GPC5: variants seen among roughly 807,000 people sequenced by gnomAD.
GPC5 encodes glypican-5.
In GPC5, 47 loss-of-function variants were observed where a neutral mutation model predicts 53.9. The ratio of observed to expected loss-of-function variants is 0.87; its 90% CI spans 0.69 to 1.11. The LOEUF (loss-of-function observed/expected upper bound fraction) is 1.11, where lower values mean the gene tolerates loss of function less well. Among genes scored for constraint, GPC5 ranks in the 50% most tolerant of loss-of-function variants. The pLI is 0.00. For missense variants in GPC5, 748 were observed against 713.1 expected (o/e 1.05, Z -0.56); for synonymous variants, 286 against 263.3 (o/e 1.09, Z -0.84).
chr13:92,084,175 C>T (rs2041318542), intron 6 of GPC5, among the ~76,000 whole-genome samples: 1 of 152,102 alleles, frequency 6.6e-6, no homozygotes, highest in Admixed American at 6.6e-5. Context: ...TGAACAGGGG[C>T]CTTGACACCG....
chr13:91,975,191 A>AT (rs1379847037), intron 6 of GPC5, among the ~76,000 whole-genome samples: 1 of 152,120 alleles, frequency 6.6e-6, no homozygotes, highest in Non-Finnish European at 1.5e-5. Flanking sequence ...AGGCAATACC[A>AT]TTCAGGACAT....
intron 5 of GPC5, among the ~76,000 whole-genome samples, chr13:91,812,900 A>C (rs2038336098): frequency 6.6e-6 from 1 of 152,194 alleles, no homozygotes. Context: ...CTATTGGTAA[A>C]AATGTCTTGA....
chr13:91,709,214 C>G (rs2036174795), intron 3 of GPC5, among the ~76,000 whole-genome samples: 1 of 152,150 alleles, frequency 6.6e-6, no homozygotes, highest in Admixed American at 6.5e-5. Context: ...ACTTTAACCT[C>G]CCTAGTCTAC....
rs140111573 is a variant in GPC5, at chr13:91,911,458, C to T, written c.1401+3401C>T. On this transcript the variant is annotated intron_variant, in intron 6 of 7. Transcript: ENST00000377067. ...ACTCAGGAGACTGAGGCAGGAGAAT[C>T]GCTTGAACCCAGGGTCAGAGCTTTC... Among the ~76,000 whole-genome samples the T allele has an allele frequency of 3.0e-3, 455 of 152,180 alleles. 1 individual carries two copies. Among genetic ancestry groups the T allele is most frequent in the Non-Finnish European group, 4.6e-3 (316 of 67,996 alleles).
chr13:92,357,922 C>T (rs1238337054), intron 7 of GPC5, among the ~76,000 whole-genome samples: 1 of 151,478 alleles, frequency 6.6e-6, no homozygotes, highest in Non-Finnish European at 1.5e-5. Flanking sequence ...CTGGCCCCTA[C>T]CAAATCTCAT....
chr13:92,357,180 T>G (rs2043529525), intron 7 of GPC5, among the ~76,000 whole-genome samples: 1 of 151,764 alleles, frequency 6.6e-6, no homozygotes, highest in South Asian at 2.1e-4. Flanking sequence ...GGGACACACA[T>G]GTGCATGTGT....
intron 5 of GPC5, among the ~76,000 whole-genome samples, chr13:91,826,527 T>C (rs1259880306): frequency 6.6e-6 from 1 of 152,082 alleles, no homozygotes; most frequent in Non-Finnish European, 1.5e-5. Context: ...CTGTTTTATA[T>C]TAAATTACAA....
intron 7 of GPC5, among the ~76,000 whole-genome samples, chr13:92,774,138 G>T (rs1008401844): frequency 6.6e-6 from 1 of 152,182 alleles, no homozygotes; most frequent in African/African-American, 2.4e-5. Flanking sequence ...AACCATATCA[G>T]CTTTTAAATG....
chr13:92,440,207 C>CTGAG (rs1487996022), intron 7 of GPC5, among the ~76,000 whole-genome samples: 1 of 152,170 alleles, frequency 6.6e-6, no homozygotes, highest in Non-Finnish European at 1.5e-5. Flanking sequence ...TCCCCATGTA[C>CTGAG]TGAGAATAGT....
intron 2 of GPC5, among the ~76,000 whole-genome samples, chr13:91,517,314 C>G (rs1313599652): frequency 2.0e-5 from 3 of 152,208 alleles, no homozygotes; most frequent in Non-Finnish European, 4.4e-5. Flanking sequence ...TCAGAAATTT[C>G]TTCCACCACG....
At chr13:92,502,717 G>C (rs1489007244) in intron 7 of GPC5, among the ~76,000 whole-genome samples, 3 of 151,956 alleles carry the variant, frequency 2.0e-5, no homozygotes, top group Non-Finnish European at 4.4e-5. Context: ...GGTCAGAACT[G>C]AAAACACAAA....
At chr13:92,389,892 A>G (rs1874915525) in intron 7 of GPC5, among the ~76,000 whole-genome samples, 1 of 152,192 alleles carries the variant, frequency 6.6e-6, no homozygotes, top group South Asian at 2.1e-4. Context: ...AAAAAGTATG[A>G]ACTACAAGTT....
chr13:91,621,811 A>C (rs983465552), intron 2 of GPC5, among the ~76,000 whole-genome samples: 21 of 142,358 alleles, frequency 1.5e-4, no homozygotes, highest in South Asian at 2.3e-4. Flanking sequence ...GTTTATTAGG[A>C]GAATTGACTG....
chr13:91,578,354 T>G (rs1284867963), intron 2 of GPC5, among the ~76,000 whole-genome samples: 1 of 152,232 alleles, frequency 6.6e-6, no homozygotes, highest in East Asian at 1.9e-4. Context: ...TTTAAGCAGA[T>G]AGCTTTCAGG....
chr13:92,625,473 G>T (rs1401960100), intron 7 of GPC5, among the ~76,000 whole-genome samples: 1 of 152,286 alleles, frequency 6.6e-6, no homozygotes, highest in African/African-American at 2.4e-5. Flanking sequence ...ACATTTTAAT[G>T]TATAGCGTGA....
chr13:91,784,336 C>T (rs1296943898), intron 5 of GPC5, among the ~76,000 whole-genome samples: 2 of 152,078 alleles, frequency 1.3e-5, no homozygotes, highest in African/African-American at 4.8e-5. Context: ...AGTCCTGGGT[C>T]TCTGGGTAGA....
intron 5 of GPC5, among the ~76,000 whole-genome samples, chr13:91,894,643 C>T (rs2039422139): frequency 1.3e-5 from 2 of 152,090 alleles, no homozygotes; most frequent in Non-Finnish European, 2.9e-5. Flanking sequence ...TTGTGACTTC[C>T]TTAGTGATTT....
At chr13:92,282,907 G>C (rs977425035) in intron 7 of GPC5, among the ~76,000 whole-genome samples, 1 of 152,170 alleles carries the variant, frequency 6.6e-6, no homozygotes, top group African/African-American at 2.4e-5. Context: ...AACCTCAAAT[G>C]TAAATGGGCT....
At chr13:92,835,602 T>C (rs1878195051) in intron 7 of GPC5, among the ~76,000 whole-genome samples, 1 of 152,044 alleles carries the variant, frequency 6.6e-6, no homozygotes, top group African/African-American at 2.4e-5. Context: ...TTGTATTCTG[T>C]AGTGGTTTAT....
Sources: gnomAD v4.1 joint callset for allele counts (sites outside exome capture counted in the v4.1 genomes callset) on GRCh38, gnomAD v4.1.1 for gene constraint, MANE v1.5 for transcripts, NCBI Gene and HGNC (gene_info 2026-07-23, HGNC 2026-07-21) for gene names.